Variants in STAG1 observed in about 807,000 individuals in gnomAD.
The protein encoded by STAG1 is cohesin subunit SA-1.
STAG1 carries 26 observed loss-of-function variants against 170.9 expected under a neutral mutation model. That is an observed-to-expected ratio of 0.15 (90% CI 0.11 to 0.21). The LOEUF (loss-of-function observed/expected upper bound fraction) is 0.21, where lower values mean the gene tolerates loss of function less well. Among genes scored for constraint, STAG1 ranks in the 10% least tolerant of loss-of-function variants. The pLI is 1.00. For synonymous variants in STAG1, 514 were observed against 497.7 expected (o/e 1.03, Z -0.44); for missense variants, 964 against 1,509.5 (o/e 0.64, Z 5.99).
At chr3:136,736,133 A>T (rs1934318588) in intron 1 of STAG1, among the ~76,000 whole-genome samples, 1 of 152,186 alleles carries the variant, frequency 6.6e-6, no homozygotes, top group Non-Finnish European at 1.5e-5. Flanking sequence ...ACATCATTTT[A>T]AAAAATATGT....
Position 136,422,768 on chromosome 3 carries a change from C to A in STAG1, c.1833G>T (p.Lys611Asn). The change falls in exon 18 of 34, where the codon AAG (lysine) becomes AAT (asparagine). Residue 611 changes from lysine to asparagine, a missense_variant and splice_region_variant. By Grantham distance (94) the Lys-to-Asn change is moderately conservative. Coordinates refer to ENST00000383202, the MANE Select transcript of STAG1 (RefSeq NM_005862.3). ...LEIYSTGRMEKHLDALLKQIK... is the reference protein window; with the variant it reads ...LEIYSTGRMENHLDALLKQIK... ...AATTTCAATTTCATAATATCATTACCTTTTCCATTCTACCTGTGCTGTAGA... is the reference window on the plus strand; with the variant it reads ...AATTTCAATTTCATAATATCATTACATTTTCCATTCTACCTGTGCTGTAGA... 6.3e-7 allele frequency: 1 copy of A among 1,590,046 alleles called. No homozygotes were observed. The highest frequency in any genetic ancestry group is 8.5e-7 in the Non-Finnish European group (1 of 1,171,594).
At chr3:136,736,733 T>C in intron 1 of STAG1, 2 of 1,602,486 alleles carry the variant, frequency 1.2e-6, no homozygotes, top group Non-Finnish European at 8.5e-7. Flanking sequence ...CCTTTTAATT[T>C]CCAGCTCAGC....
chr3:136,387,223 G>T (rs1448099607), intron 22 of STAG1, among the ~76,000 whole-genome samples: 1 of 151,974 alleles, frequency 6.6e-6, no homozygotes, highest in African/African-American at 2.4e-5. Context: ...CTACTTAACT[G>T]TCAGTGTAGC....
chr3:136,650,003 G>A lies in STAG1; in HGVS notation c.-83-19022C>T, dbSNP rs932336283. ...AAGATGGTCTTGATCTCCTGACCTC[G>A]TGATCCACCCACCTAGGCCTCCCAA... On this transcript the variant is annotated intron_variant, in intron 1 of 33. Transcript: ENST00000383202. Among the ~76,000 whole-genome samples the A allele has an allele frequency of 3.0e-4, 45 of 151,968 alleles. 1 individual carries two copies. Among genetic ancestry groups the A allele is most frequent in the African/African-American group, 1.0e-3 (43 of 41,528 alleles).
chr3:136,667,889 C>A (rs1044526504), intron 1 of STAG1, among the ~76,000 whole-genome samples: 1 of 152,014 alleles, frequency 6.6e-6, no homozygotes, highest in Non-Finnish European at 1.5e-5. Context: ...AGTTCAGGTT[C>A]TCTAGAAAGT....
At chr3:136,507,258 T>C (rs537664961) in intron 7 of STAG1, among the ~76,000 whole-genome samples, 2 of 152,202 alleles carry the variant, frequency 1.3e-5, no homozygotes, top group Non-Finnish European at 2.9e-5. Flanking sequence ...TATAACATGT[T>C]TAGAAAAACG....
intron 4 of STAG1, among the ~76,000 whole-genome samples, chr3:136,574,398 A>G (rs1220576180): frequency 6.6e-6 from 1 of 152,096 alleles, no homozygotes; most frequent in Non-Finnish European, 1.5e-5. Context: ...ACTTTGATGT[A>G]ACTATAACAA....
At chr3:136,533,793 T>C (rs978982290) in intron 6 of STAG1, among the ~76,000 whole-genome samples, 5 of 152,274 alleles carry the variant, frequency 3.3e-5, no homozygotes, top group Non-Finnish European at 5.9e-5. Flanking sequence ...ACCATATCAA[T>C]GACCATACTG....
intron 15 of STAG1, among the ~76,000 whole-genome samples, chr3:136,442,010 C>T (rs1392670233): frequency 7.2e-5 from 11 of 152,148 alleles, no homozygotes; most frequent in African/African-American, 2.4e-4. Flanking sequence ...CGAGCCTGGT[C>T]AACATGGTGA....
chr3:136,592,286 G>A (rs1198999413), intron 4 of STAG1, among the ~76,000 whole-genome samples: 1 of 152,062 alleles, frequency 6.6e-6, no homozygotes, highest in African/African-American at 2.4e-5. Flanking sequence ...TTGAATCATG[G>A]GGGTGGTATC....
At chr3:136,343,532 G>C (rs1033488918) in intron 30 of STAG1, among the ~76,000 whole-genome samples, 19 of 152,184 alleles carry the variant, frequency 1.2e-4, no homozygotes, top group African/African-American at 4.3e-4. Context: ...GAAGTAACCT[G>C]CATTTCTTGG....
At chr3:136,647,623 A>T (rs557054167) in intron 1 of STAG1, among the ~76,000 whole-genome samples, 1 of 152,134 alleles carries the variant, frequency 6.6e-6, no homozygotes, top group South Asian at 2.1e-4. Flanking sequence ...AAAAAAAGAT[A>T]TTCTTCTTGT....
At chr3:136,378,938 C>T (rs1439540487) in intron 22 of STAG1, among the ~76,000 whole-genome samples, 4 of 152,184 alleles carry the variant, frequency 2.6e-5, no homozygotes, top group Non-Finnish European at 2.9e-5. Context: ...AACTAAAACT[C>T]TTTAAGCCAC....
chr3:136,446,176 A>C (rs2088771910), intron 14 of STAG1, among the ~76,000 whole-genome samples: 1 of 152,152 alleles, frequency 6.6e-6, no homozygotes, highest in East Asian at 1.9e-4. Flanking sequence ...TACATTTAAA[A>C]ACTAATTAAT....
At position 136,622,439 on chromosome 3, in the gene STAG1, G is replaced by C. The variant is rs534536912; in HGVS notation, c.132+707C>G. The stretch of plus-strand genomic sequence containing the variant: ...AGGATGGAAAAAAAGGAGGAGGGGT[G>C]ATGAGATGAAACAAGATTGGTCATG... On this transcript the variant is annotated intron_variant, in intron 3 of 33. Transcript: ENST00000383202. 3.9e-5 allele frequency among the ~76,000 whole-genome samples: 6 copies of C among 152,198 alleles called. No individual in the cohort carries two copies. The East Asian group carries it at 9.6e-4, about 24-fold the overall frequency.
At chr3:136,527,090 G>T (rs1277748098) in intron 6 of STAG1, among the ~76,000 whole-genome samples, 5 of 152,128 alleles carry the variant, frequency 3.3e-5, no homozygotes, top group Non-Finnish European at 5.9e-5. Context: ...CTCTTCTCAA[G>T]GAGTATCTTC....
chr3:136,392,940 T>G (rs2087051822), intron 22 of STAG1, among the ~76,000 whole-genome samples: 1 of 152,084 alleles, frequency 6.6e-6, no homozygotes, highest in Non-Finnish European at 1.5e-5. Context: ...TACCTTGTAT[T>G]TTATAACAAA....
At chr3:136,459,220 G>GAAAA (rs769155825) in intron 13 of STAG1, among the ~76,000 whole-genome samples, 1 of 91,608 alleles carries the variant, frequency 1.1e-5, no homozygotes, top group African/African-American at 3.6e-5. Flanking sequence ...CTGTCTTAAA[G>GAAAA]AAAAAAAAAA....
At chr3:136,618,795 A>G (rs1215547616) in intron 3 of STAG1, among the ~76,000 whole-genome samples, 2 of 152,120 alleles carry the variant, frequency 1.3e-5, no homozygotes, top group African/African-American at 4.8e-5. Context: ...TTATTTTCAT[A>G]TTTTCATAAC....
Sources: allele counts gnomAD v4.1 joint callset (sites outside exome capture counted in the v4.1 genomes callset), GRCh38; gene constraint gnomAD v4.1.1; transcripts MANE v1.5; gene names NCBI Gene and HGNC (gene_info 2026-07-23, HGNC 2026-07-21).